Variants in FOXR1 observed in about 807,000 individuals in gnomAD.
The protein encoded by FOXR1 is forkhead box R1.
A neutral mutation model predicts 34.5 loss-of-function variants in FOXR1; 25 were observed. The observed-to-expected ratio is 0.72, with a 90% CI of 0.53 to 1.01. The LOEUF is 1.01. Among genes scored for constraint, FOXR1 ranks in the 50% least tolerant of loss-of-function variants. The probability of loss-of-function intolerance (pLI) is 0.00; values close to 1 mark genes in which losing one functional copy is unlikely to be tolerated. For missense variants in FOXR1, 373 were observed against 376.2 expected, an observed-to-expected ratio of 0.99 and a Z score of 0.07; for synonymous variants, 153 against 141.6, an observed-to-expected ratio of 1.08 and a Z score of -0.57.
chr11:118,980,360 C>A, intron 4 of FOXR1, 130 bp from the exon 5 acceptor site: 1 of 1,077,334 alleles, frequency 9.3e-7, no homozygotes, highest in Non-Finnish European at 1.4e-6. Flanking sequence ...AAGAGCAACT[C>A]CAGGCCAACT....
At chr11:118,980,771 G>A in intron 5 of FOXR1, 43 bp downstream of exon 5, 1 of 1,571,896 alleles carries the variant, frequency 6.4e-7, no homozygotes, top group Non-Finnish European at 8.6e-7. Flanking sequence ...GAAGAGACCT[G>A]AGGATCCTGA....
chr11:118,980,679 C>T lies in FOXR1; in HGVS notation c.801C>T (p.Ala267=). The T allele has an allele frequency of 6.2e-7, 1 of 1,614,050 alleles. No homozygotes were observed. Among genetic ancestry groups the T allele is most frequent in the Non-Finnish European group, 8.5e-7 (1 of 1,180,040 alleles). ...GCCGCTTTGCGGAGGAGGCCCGCGCCTTGGCTTCCACTCGGCTAGAAAGTA... is the reference window on the plus strand; with the variant it reads ...GCCGCTTTGCGGAGGAGGCCCGCGCTTTGGCTTCCACTCGGCTAGAAAGTA... ...GHRRFAEEAR[A]LASTRLESIQ... Residue 267 remains alanine, a synonymous_variant, in exon 5 of 6, where the codon GCC becomes GCT. Transcript: ENST00000317011.
chr11:118,980,738 C>T lies in FOXR1; in HGVS notation c.850+10C>T. On this transcript the variant is annotated intron_variant, in intron 5 of 5. Coordinates refer to ENST00000317011, the MANE Select transcript of FOXR1 (RefSeq NM_181721.3). ...TGCATGAGCCAGCCAGGTGTGAAGA[C>T]TTGTTGTGCGTGGGCCCAAGGGGAA... 3 of 1,606,410 alleles carry T rather than the reference C, an allele frequency of 1.9e-6. No homozygotes were observed. The highest frequency in any genetic ancestry group is 2.5e-6 in the Non-Finnish European group (3 of 1,177,078).
Position 118,981,257 on chromosome 11 carries a change from C to G in FOXR1, c.*21C>G, listed in dbSNP as rs782122585. On this transcript the variant is annotated 3_prime_UTR_variant, in exon 6 of 6. Coordinates refer to ENST00000317011, the MANE Select transcript of FOXR1 (RefSeq NM_181721.3). ...TTTAACCCCAAGAAGCAACAGCCAGCTAATGCTTTATTAAAATTACCCTCA... is the reference window on the plus strand; with the variant it reads ...TTTAACCCCAAGAAGCAACAGCCAGGTAATGCTTTATTAAAATTACCCTCA... 4.0e-5 allele frequency: 64 copies of G among 1,613,006 alleles called. No homozygotes were observed. The highest frequency in any genetic ancestry group is 4.8e-5 in the Non-Finnish European group (57 of 1,179,158).
chr11:118,978,920 CAG>C lies in FOXR1; in HGVS notation c.137-36_137-35del, dbSNP rs1373911630. Reference sequence around the variant, plus strand: ...GCTGGAGACCAGGGGCACCCAAAGCCAGTGGGCTGTGGCACACAATCTTTTGT... The same window carrying C: ...GCTGGAGACCAGGGGCACCCAAAGCCTGGGCTGTGGCACACAATCTTTTGT... On this transcript the variant is annotated intron_variant, in intron 2 of 5. Transcript: ENST00000317011. The C allele has an allele frequency of 5.0e-6, 8 of 1,613,740 alleles. No individual in the cohort carries two copies. In the African/African-American group the frequency reaches 1.1e-4, roughly 22 times the overall value.
chr11:118,976,388 G>T (rs1023607297), intron 1 of FOXR1, among the ~76,000 whole-genome samples: 26 of 152,180 alleles, frequency 1.7e-4, no homozygotes, highest in African/African-American at 6.3e-4. Flanking sequence ...TTTTTATAGA[G>T]ATGGGGTTTC....
chr11:118,979,579 C>T lies in FOXR1; in HGVS notation c.522C>T (p.Pro174=). 6.2e-7 allele frequency: 1 copy of T among 1,612,912 alleles called. No homozygotes were observed. Among genetic ancestry groups the T allele is most frequent in the South Asian group, 1.1e-5 (1 of 90,778 alleles). The change falls in exon 4 of 6, where the codon CCC becomes CCT. Residue 174 remains proline (P), a synonymous_variant. Coordinates refer to ENST00000317011, the MANE Select transcript of FOXR1 (RefSeq NM_181721.3). ...AGGCGGGGAGGCTCTGGTCCCGGCC[C>T]CCTCTCAATTACTTCCACCTAATTG... The part of the protein sequence containing the change: ...SSQAGRLWSR[P]PLNYFHLIAL...
At position 118,979,677 on chromosome 11, in the gene FOXR1, C is replaced by T. The variant is rs368640376; in HGVS notation, c.611+9C>T. The T allele has an allele frequency of 2.2e-5, 35 of 1,571,430 alleles. No individual in the cohort carries two copies. The highest frequency in any genetic ancestry group is 1.8e-4 in the Admixed American group (10 of 54,194). ...ATCTACAGTTTCACTCGGTATGTGC[C>T]GGGGGCCCTGCGAGGAGGGGGAAGT... On this transcript the variant is annotated intron_variant, in intron 4 of 5. Coordinates refer to ENST00000317011, the MANE Select transcript of FOXR1 (RefSeq NM_181721.3).
At chr11:118,974,461 A>G (rs1941754707) in intron 1 of FOXR1, among the ~76,000 whole-genome samples, 1 of 152,164 alleles carries the variant, frequency 6.6e-6, no homozygotes, top group South Asian at 2.1e-4. Flanking sequence ...TACCTCCCAA[A>G]TTGAGCAGAG....
intron 4 of FOXR1, 91 bp downstream of exon 4, chr11:118,979,759 A>T: frequency 8.1e-7 from 1 of 1,238,020 alleles, no homozygotes; most frequent in South Asian, 1.5e-5. Context: ...TGGGTTGCTG[A>T]CCTGGTTTCC....
chr11:118,981,277 C>G lies in FOXR1; in HGVS notation c.*41C>G. 6.2e-7 allele frequency: 1 copy of G among 1,600,124 alleles called. No individual in the cohort carries two copies. The highest frequency in any genetic ancestry group is 8.6e-7 in the Non-Finnish European group (1 of 1,167,352). ...GCCAGCTAATGCTTTATTAAAATTA[C>G]CCTCACTAGCCTTCTGTGTGTGTCT... On this transcript the variant is annotated 3_prime_UTR_variant, in exon 6 of 6. Transcript: ENST00000317011.
At chr11:118,978,713 C>T (rs1398025392) in intron 1 of FOXR1, 69 bp from the exon 2 acceptor site, 2 of 1,548,092 alleles carry the variant, frequency 1.3e-6, no homozygotes, top group African/African-American at 1.4e-5. Flanking sequence ...AGCCTTAAGG[C>T]CTAGGATCCT....
At chr11:118,972,740 A>G (rs981592811) in intron 1 of FOXR1, among the ~76,000 whole-genome samples, 2 of 151,564 alleles carry the variant, frequency 1.3e-5, no homozygotes, top group African/African-American at 4.9e-5. Context: ...CTCCCGCCCC[A>G]GCCTCCTGAG....
rs549000589 is a variant in FOXR1 at position 118,977,415 on chromosome 11, A to G, written c.62-1367A>G. On this transcript the variant is annotated intron_variant, in intron 1 of 5. Transcript: ENST00000317011. ...AACTGGCATCTTAATAGTATGTATT[A>G]TAAGTCTTTGTTCAAGTATTTTAAG... Among the ~76,000 whole-genome samples, 27 of 152,278 alleles carry G rather than the reference A, an allele frequency of 1.8e-4. No homozygotes were observed. In the South Asian group the frequency reaches 2.5e-3, roughly 14 times the overall value.
chr11:118,975,211 A>C (rs999499563), intron 1 of FOXR1, among the ~76,000 whole-genome samples: 1 of 152,118 alleles, frequency 6.6e-6, no homozygotes, highest in Non-Finnish European at 1.5e-5. Context: ...AAGTGGAAAA[A>C]GCCTTTCAAG....
At chr11:118,978,223 A>AG (rs962948745) in intron 1 of FOXR1, among the ~76,000 whole-genome samples, 1 of 151,740 alleles carries the variant, frequency 6.6e-6, no homozygotes, top group African/African-American at 2.4e-5. Flanking sequence ...ATCTGAAAAA[A>AG]AAAAAATACA....
At chr11:118,974,697 G>A (rs1040102979) in intron 1 of FOXR1, among the ~76,000 whole-genome samples, 1 of 152,170 alleles carries the variant, frequency 6.6e-6, no homozygotes, top group African/African-American at 2.4e-5. Context: ...GTAGACTGTG[G>A]ATGTACAGAG....
rs782001105 is a variant in FOXR1, at chr11:118,980,559, T to C, written c.681T>C (p.Phe227=). 2 of 1,614,260 alleles carry C rather than the reference T, an allele frequency of 1.2e-6. No homozygotes were observed. The highest frequency in any genetic ancestry group is 2.2e-5 in the South Asian group (2 of 91,092). ...WKNTVRHNLC[F]RDSFEKVPVS... ...ATACTGTCCGTCACAATCTCTGTTT[T>C]CGAGACAGCTTTGAGAAAGTGCCTG... Residue 227 remains phenylalanine (F), a synonymous_variant, in exon 5 of 6, where the codon TTT becomes TTC. Transcript: ENST00000317011.
At chr11:118,973,592 G>A (rs1283625984) in intron 1 of FOXR1, among the ~76,000 whole-genome samples, 1 of 151,934 alleles carries the variant, frequency 6.6e-6, no homozygotes, top group African/African-American at 2.4e-5. Flanking sequence ...TAAAGACGGG[G>A]ATTCCCTGTG....
Sources: allele counts gnomAD v4.1 joint callset (sites outside exome capture counted in the v4.1 genomes callset), GRCh38; gene constraint gnomAD v4.1.1; transcripts MANE v1.5; gene names NCBI Gene and HGNC (gene_info 2026-07-23, HGNC 2026-07-21).